SLC30A9: variants seen among roughly 807,000 people sequenced by gnomAD.
SLC30A9 encodes solute carrier family 30 member 9.
A neutral mutation model predicts 87.5 loss-of-function variants in SLC30A9; 58 were observed. The observed-to-expected ratio is 0.66, with a 90% CI of 0.54 to 0.82. The LOEUF is 0.82. Ranked by LOEUF, SLC30A9 falls within the 40% of genes least tolerant of loss-of-function variation. The pLI, the probability that SLC30A9 is intolerant of heterozygous loss-of-function variation, is 0.00. For synonymous variants in SLC30A9, 234 were observed against 233.0 expected, an observed-to-expected ratio of 1.00 and a Z score of -0.04; for missense variants, 557 against 679.1, an observed-to-expected ratio of 0.82 and a Z score of 2.00.
At chr4:42,001,183 T>G (rs1173061903) in intron 1 of SLC30A9, among the ~76,000 whole-genome samples, 2 of 151,074 alleles carry the variant, frequency 1.3e-5, no homozygotes, top group African/African-American at 4.9e-5. Flanking sequence ...AATGAATGAT[T>G]AATATAATTC....
intron 1 of SLC30A9, among the ~76,000 whole-genome samples, chr4:41,997,930 G>C (rs1714791216): frequency 6.6e-6 from 1 of 152,248 alleles, no homozygotes; most frequent in African/African-American, 2.4e-5. Flanking sequence ...CTTGACTCTG[G>C]CTCTGAAATT....
intron 14 of SLC30A9, among the ~76,000 whole-genome samples, chr4:42,067,957 G>A (rs1718149396): frequency 6.6e-6 from 1 of 152,164 alleles, no homozygotes; most frequent in African/African-American, 2.4e-5. Context: ...CGCTCAGCAA[G>A]CCTACATATT....
At chr4:42,025,019 A>G (rs1231818937) in intron 6 of SLC30A9, among the ~76,000 whole-genome samples, 1 of 152,138 alleles carries the variant, frequency 6.6e-6, no homozygotes, top group Non-Finnish European at 1.5e-5. Context: ...TCCTCTTTTT[A>G]GTAGGGAAAT....
chr4:42,048,143 G>GT (rs1304077395), intron 8 of SLC30A9, among the ~76,000 whole-genome samples: 1 of 152,050 alleles, frequency 6.6e-6, no homozygotes, highest in Admixed American at 6.6e-5. Flanking sequence ...GGGTTGATGG[G>GT]TGCAGCAAAC....
intron 1 of SLC30A9, among the ~76,000 whole-genome samples, chr4:41,997,237 A>G (rs1247626807): frequency 6.6e-6 from 1 of 151,630 alleles, no homozygotes; most frequent in Non-Finnish European, 1.5e-5. Flanking sequence ...AGACTGAGCT[A>G]CTCCATCCAG....
At chr4:42,062,909 A>T in intron 10 of SLC30A9, 77 bp from the exon 11 acceptor site, 2 of 1,209,468 alleles carry the variant, frequency 1.7e-6, no homozygotes, top group Non-Finnish European at 2.3e-6. Flanking sequence ...AGTCTTTTTC[A>T]TTGACCTATT....
At chr4:42,000,141 G>A (rs1228089606) in intron 1 of SLC30A9, among the ~76,000 whole-genome samples, 1 of 152,058 alleles carries the variant, frequency 6.6e-6, no homozygotes, top group Non-Finnish European at 1.5e-5. Context: ...TCATGGAAAT[G>A]GGTCGTCTTC....
intron 2 of SLC30A9, among the ~76,000 whole-genome samples, chr4:42,014,213 T>G (rs1818294): frequency 0.65 from 98,564 of 152,072 alleles, 36,067 homozygotes; most frequent in East Asian, 0.96. Flanking sequence ...AAGGCTTTTA[T>G]CCAAAAGACA....
chr4:42,062,091 G>A (rs1434274570), intron 10 of SLC30A9, among the ~76,000 whole-genome samples: 4 of 150,318 alleles, frequency 2.7e-5, no homozygotes, highest in Non-Finnish European at 5.9e-5. Flanking sequence ...CTACTTGGGA[G>A]GCTGAGGCAG....
At position 42,022,838 on chromosome 4, in the gene SLC30A9, T is replaced by C; in HGVS notation, c.435T>C (p.Ser145=). The change falls in exon 5 of 18, where the codon AGT becomes AGC. Residue 145 remains serine, a splice_region_variant and synonymous_variant. Coordinates refer to ENST00000264451, the MANE Select transcript of SLC30A9 (RefSeq NM_006345.4). The stretch of plus-strand genomic sequence containing the variant: ...AAATTCAACATGTTTCTTTCTCTAG[T>C]GATCTAGAACAACTTCGAAAAATCA... ...RAINEFCLKS[S]DLEQLRKIRR... 2 of 1,564,296 alleles carry C rather than the reference T, an allele frequency of 1.3e-6. No homozygotes were observed. Among genetic ancestry groups the C allele is most frequent in the Middle Eastern group, 1.7e-4 (1 of 5,894 alleles).
At chr4:42,023,138 C>G (rs1436785349) in intron 5 of SLC30A9, among the ~76,000 whole-genome samples, 164 bp from the exon 6 acceptor site, 2 of 152,130 alleles carry the variant, frequency 1.3e-5, no homozygotes, top group Admixed American at 1.3e-4. Flanking sequence ...TGAATTTACT[C>G]TAGTTGTTTA....
intron 6 of SLC30A9, among the ~76,000 whole-genome samples, chr4:42,031,441 G>A (rs538110844): frequency 4.6e-5 from 7 of 152,276 alleles, no homozygotes; most frequent in Admixed American, 1.3e-4. Context: ...GTGATTAGTC[G>A]TCAATGTAAG....
chr4:42,074,450 C>T (rs1369539922), intron 15 of SLC30A9, among the ~76,000 whole-genome samples: 1 of 152,138 alleles, frequency 6.6e-6, no homozygotes, highest in Non-Finnish European at 1.5e-5. Flanking sequence ...GAGAATTTCT[C>T]AGCAGTTTCT....
At chr4:42,005,440 C>T (rs1415570632) in intron 2 of SLC30A9, among the ~76,000 whole-genome samples, 2 of 152,162 alleles carry the variant, frequency 1.3e-5, no homozygotes, top group East Asian at 1.9e-4. Context: ...CACCAAAATA[C>T]AGATAGGCCA....
At chr4:42,040,237 T>G (rs1046172936) in intron 8 of SLC30A9, among the ~76,000 whole-genome samples, 7 of 152,176 alleles carry the variant, frequency 4.6e-5, no homozygotes, top group Non-Finnish European at 7.4e-5. Flanking sequence ...CAGGTGGAGA[T>G]AAGTCAACAG....
At chr4:42,021,705 T>G (rs889340361) in intron 4 of SLC30A9, among the ~76,000 whole-genome samples, 1 of 152,114 alleles carries the variant, frequency 6.6e-6, no homozygotes, top group Non-Finnish European at 1.5e-5. Flanking sequence ...AATTCTTAAG[T>G]AGAGGGATGA....
rs559683742 is a variant in SLC30A9 at position 42,076,957 on chromosome 4, G to A, written c.1548+1171G>A. 7.6e-3 allele frequency among the ~76,000 whole-genome samples: 173 copies of A among 22,826 alleles called. 2 individuals carry two copies. The highest frequency in any genetic ancestry group is 0.056 in the Middle Eastern group (1 of 18). The allele number at this position is 22,826 out of a possible 152,430, so 15.0% of individuals were successfully genotyped here. A position where few individuals can be genotyped will look rare whatever the true frequency, so the allele number is the denominator to read the frequency against. ...AGCCTGGGCGACAGAGCGAGACTCC[G>A]TCTCAAAAAAAAAAAAAAAAGAAAG... On this transcript the variant is annotated intron_variant, in intron 16 of 17. Transcript: ENST00000264451.
chr4:42,017,451 C>T (rs553883679), intron 2 of SLC30A9, among the ~76,000 whole-genome samples: 14 of 147,772 alleles, frequency 9.5e-5, no homozygotes, highest in Admixed American at 8.1e-4. Context: ...TCCAGTTTTT[C>T]TTGTGTTGTT....
chr4:42,016,756 T>C (rs146464376), intron 2 of SLC30A9, among the ~76,000 whole-genome samples: 1 of 152,214 alleles, frequency 6.6e-6, no homozygotes, highest in East Asian at 1.9e-4. Context: ...TGTTTGTTAC[T>C]ATGCACTGCT....
Sources: allele counts gnomAD v4.1 joint callset (sites outside exome capture counted in the v4.1 genomes callset), GRCh38; gene constraint gnomAD v4.1.1; transcripts MANE v1.5; gene names NCBI Gene and HGNC (gene_info 2026-07-23, HGNC 2026-07-21).